PCDH15: variants seen among roughly 807,000 people sequenced by gnomAD.
The protein encoded by PCDH15 is protocadherin related 15, also known as protocadherin-15.
A neutral mutation model predicts 178.5 loss-of-function variants in PCDH15; 129 were observed. The ratio of observed to expected loss-of-function variants is 0.72; its 90% confidence interval spans 0.63 to 0.84. The LOEUF is 0.84. Among genes scored for constraint, PCDH15 ranks in the 40% least tolerant of loss-of-function variants. PCDH15 has a pLI of 0.00. For synonymous variants in PCDH15, 800 were observed against 732.0 expected, an observed-to-expected ratio of 1.09 and a Z score of -1.50; for missense variants, 2,230 against 2,099.9, an observed-to-expected ratio of 1.06 and a Z score of -1.21.
chr10:54,431,642 T>C (rs1301261383), intron 3 of PCDH15, among the ~76,000 whole-genome samples: 2 of 152,150 alleles, frequency 1.3e-5, no homozygotes, highest in Admixed American at 6.5e-5. Context: ...GACCCACAGC[T>C]AGTATTATAC....
At chr10:54,666,360 C>G (rs2094571674) in intron 1 of PCDH15, among the ~76,000 whole-genome samples, 1 of 151,940 alleles carries the variant, frequency 6.6e-6, no homozygotes, top group Non-Finnish European at 1.5e-5. Flanking sequence ...TCTGAAGAGA[C>G]CATAAAGTCT....
intron 1 of PCDH15, among the ~76,000 whole-genome samples, chr10:54,796,335 GTATCTA>G (rs1952012684): frequency 1.5e-5 from 2 of 136,808 alleles, no homozygotes; most frequent in South Asian, 4.5e-4. Context: ...CATCATCTAG[GTATCTA>G]TATCTATATA....
intron 1 of PCDH15, among the ~76,000 whole-genome samples, chr10:55,187,120 C>T (rs892453258): frequency 6.6e-6 from 1 of 151,794 alleles, no homozygotes; most frequent in African/African-American, 2.4e-5. Context: ...TGTTCATATA[C>T]ACAGAGTACT....
chr10:55,236,184 T>C (rs976337164), intron 1 of PCDH15, among the ~76,000 whole-genome samples: 4 of 152,034 alleles, frequency 2.6e-5, no homozygotes, highest in African/African-American at 4.8e-5. Context: ...ATGAAGTATC[T>C]AGCAGACGTC....
intron 15 of PCDH15, among the ~76,000 whole-genome samples, chr10:54,124,975 T>C (rs1212198856): frequency 6.6e-6 from 1 of 152,164 alleles, no homozygotes; most frequent in Non-Finnish European, 1.5e-5. Context: ...CAGCAGAAAT[T>C]TTTCCTCAGG....
At chr10:55,253,640 A>T (rs761459193) in intron 1 of PCDH15, among the ~76,000 whole-genome samples, 2 of 152,058 alleles carry the variant, frequency 1.3e-5, no homozygotes, top group Non-Finnish European at 2.9e-5. Flanking sequence ...GGAGAATTTG[A>T]AGCTAAATTT....
intron 2 of PCDH15, among the ~76,000 whole-genome samples, chr10:55,030,488 C>G (rs1840583393): frequency 6.6e-6 from 1 of 152,018 alleles, no homozygotes; most frequent in South Asian, 2.1e-4. Context: ...TGAGTCATGA[C>G]TTAAGAGAAA....
intron 21 of PCDH15, among the ~76,000 whole-genome samples, chr10:53,974,264 C>T (rs906849605): frequency 1.3e-5 from 2 of 152,170 alleles, no homozygotes; most frequent in Admixed American, 1.3e-4. Flanking sequence ...ATCCACCCAC[C>T]TTGGCTTCCC....
At chr10:55,172,580 TC>T (rs1839367197) in intron 1 of PCDH15, among the ~76,000 whole-genome samples, 1 of 152,044 alleles carries the variant, frequency 6.6e-6, no homozygotes, top group South Asian at 2.1e-4. Flanking sequence ...TAAAAGGCCT[TC>T]TAATACTCAG....
chr10:54,343,822 A>G (rs984602008), intron 6 of PCDH15, among the ~76,000 whole-genome samples: 3 of 151,872 alleles, frequency 2.0e-5, no homozygotes, highest in African/African-American at 7.3e-5. Flanking sequence ...TAAAAATAAA[A>G]ATAAGTTGAA....
At chr10:54,032,865 G>C (rs930689105) in intron 18 of PCDH15, among the ~76,000 whole-genome samples, 1 of 151,932 alleles carries the variant, frequency 6.6e-6, no homozygotes. Flanking sequence ...ATGGTGGATG[G>C]TGAAGGGGAA....
intron 23 of PCDH15, among the ~76,000 whole-genome samples, chr10:53,953,882 T>C (rs1900422): frequency 0.7 from 106,756 of 151,986 alleles, 37,806 homozygotes; most frequent in East Asian, 0.87. Flanking sequence ...CTCAGCCTCT[T>C]GGGTTCATGC....
intron 2 of PCDH15, among the ~76,000 whole-genome samples, chr10:54,576,159 C>T (rs911173954): frequency 8.8e-5 from 13 of 146,962 alleles, no homozygotes; most frequent in Non-Finnish European, 1.5e-4. Flanking sequence ...ATCTACCTAC[C>T]TATCTATCTA....
At chr10:54,720,558 T>C (rs1941424661) in intron 1 of PCDH15, among the ~76,000 whole-genome samples, 1 of 151,258 alleles carries the variant, frequency 6.6e-6, no homozygotes, top group African/African-American at 2.4e-5. Flanking sequence ...TCCTGCCAAA[T>C]GAAGATTCAC....
intron 8 of PCDH15, among the ~76,000 whole-genome samples, chr10:54,265,653 T>A (rs10825289): frequency 0.7 from 106,950 of 151,922 alleles, 38,547 homozygotes; most frequent in Middle Eastern, 0.77. Flanking sequence ...ATCTTAAGCC[T>A]AAAACAGAAA....
intron 3 of PCDH15, among the ~76,000 whole-genome samples, chr10:54,411,852 TATC>T (rs1434831203): frequency 1.3e-5 from 2 of 152,204 alleles, no homozygotes; most frequent in Non-Finnish European, 2.9e-5. Context: ...ACGATGGCCT[TATC>T]ATCAGCATAT....
At chr10:54,603,543 C>T (rs1174364841) in intron 2 of PCDH15, among the ~76,000 whole-genome samples, 1 of 151,218 alleles carries the variant, frequency 6.6e-6, no homozygotes, top group Non-Finnish European at 1.5e-5. Context: ...AAACAGAAGC[C>T]ATGTCTCTCG....
intron 3 of PCDH15, among the ~76,000 whole-genome samples, chr10:54,503,331 A>C (rs1351612638): frequency 6.8e-6 from 1 of 147,392 alleles, no homozygotes; most frequent in Non-Finnish European, 1.5e-5. Context: ...TATTATATAT[A>C]TATAAGGCAT....
chr10:54,711,781 C>A (rs1473472980), intron 1 of PCDH15, among the ~76,000 whole-genome samples: 4 of 151,746 alleles, frequency 2.6e-5, no homozygotes, highest in Non-Finnish European at 5.9e-5. Context: ...TTAAACCTTA[C>A]TTCTAATGTC....
Sources: allele counts gnomAD v4.1 joint callset (sites outside exome capture counted in the v4.1 genomes callset), GRCh38; gene constraint gnomAD v4.1.1; transcripts MANE v1.5; gene names NCBI Gene and HGNC (gene_info 2026-07-23, HGNC 2026-07-21).